Variants in BLK observed in about 807,000 individuals in gnomAD.
BLK encodes BLK proto-oncogene, Src family tyrosine kinase.
Under a neutral mutation model 61.8 loss-of-function variants are expected in BLK, and 64 were observed. The observed-to-expected ratio is 1.03, with a 90% confidence interval of 0.85 to 1.27. BLK has a LOEUF of 1.27. Ranked by LOEUF, BLK falls within the 50% of genes most tolerant of loss-of-function variation. BLK has a pLI of 0.00. For missense variants in BLK, 853 were observed against 660.5 expected (o/e 1.29, Z -3.19); for synonymous variants, 351 against 272.0 (o/e 1.29, Z -2.86).
intron 1 of BLK, among the ~76,000 whole-genome samples, chr8:11,498,670 A>T (rs900184722): frequency 7.2e-5 from 11 of 152,182 alleles, no homozygotes; most frequent in Non-Finnish European, 1.6e-4. Flanking sequence ...CAATGTGAGC[A>T]AGTCACTGTG....
At chr8:11,505,984 G>A (rs60489096) in intron 1 of BLK, among the ~76,000 whole-genome samples, 1 of 152,108 alleles carries the variant, frequency 6.6e-6, no homozygotes, top group Middle Eastern at 3.2e-3. Context: ...TCTTCCTCTC[G>A]CCCTGCTCCT....
At chr8:11,524,070 G>A (rs1799556393) in intron 1 of BLK, among the ~76,000 whole-genome samples, 1 of 151,682 alleles carries the variant, frequency 6.6e-6, no homozygotes, top group Non-Finnish European at 1.5e-5. Context: ...GTTTACTGTG[G>A]GTTTATTTAT....
chr8:11,504,411 GAAAAAA>G (rs1188358209), intron 1 of BLK, among the ~76,000 whole-genome samples: 1 of 108,746 alleles, frequency 9.2e-6, no homozygotes, highest in African/African-American at 3.2e-5. Flanking sequence ...GAAAAGAAAA[GAAAAAA>G]AAAAGAAAAG....
intron 1 of BLK, among the ~76,000 whole-genome samples, chr8:11,533,596 G>GAGGAGGAGA (rs1267277869): frequency 7.2e-6 from 1 of 139,688 alleles, no homozygotes; most frequent in Admixed American, 7.0e-5. Context: ...GGAGGAGGAG[G>GAGGAGGAGA]AGGAGGAGAA....
At chr8:11,503,550 A>G (rs1164784824) in intron 1 of BLK, among the ~76,000 whole-genome samples, 1 of 152,058 alleles carries the variant, frequency 6.6e-6, no homozygotes, top group Non-Finnish European at 1.5e-5. Context: ...CCCTTTTCAG[A>G]GAGGCCTTTG....
chr8:11,506,160 C>T (rs990969192), intron 1 of BLK, among the ~76,000 whole-genome samples: 5 of 152,188 alleles, frequency 3.3e-5, no homozygotes, highest in African/African-American at 1.2e-4. Flanking sequence ...CAGAAGGTTA[C>T]CAGCCTGGCT....
intron 10 of BLK, among the ~76,000 whole-genome samples, chr8:11,559,363 A>G (rs1585419373): frequency 6.6e-6 from 1 of 151,014 alleles, no homozygotes; most frequent in Admixed American, 6.6e-5. Context: ...ACATACACAG[A>G]CTCACACAGA....
intron 6 of BLK, among the ~76,000 whole-genome samples, chr8:11,551,540 A>C (rs889490435): frequency 3.3e-5 from 5 of 152,104 alleles, no homozygotes; most frequent in African/African-American, 1.2e-4. Context: ...TTAACATATG[A>C]ATTGGGAGCG....
At chr8:11,507,193 A>G (rs747476064) in intron 1 of BLK, among the ~76,000 whole-genome samples, 3 of 152,200 alleles carry the variant, frequency 2.0e-5, no homozygotes, top group Non-Finnish European at 4.4e-5. Context: ...CCCTTGGCAG[A>G]GGAAGAGTGA....
At chr8:11,510,711 G>T (rs1798966298) in intron 1 of BLK, among the ~76,000 whole-genome samples, 1 of 151,884 alleles carries the variant, frequency 6.6e-6, no homozygotes, top group Non-Finnish European at 1.5e-5. Context: ...TAATGGGATA[G>T]GGAATATATT....
chr8:11,533,189 C>T (rs913720335), intron 1 of BLK, among the ~76,000 whole-genome samples: 1 of 152,182 alleles, frequency 6.6e-6, no homozygotes, highest in African/African-American at 2.4e-5. Flanking sequence ...GTCTCTAGAT[C>T]CACTCAGTAA....
intron 1 of BLK, among the ~76,000 whole-genome samples, chr8:11,540,357 T>G (rs1291071088): frequency 6.6e-6 from 1 of 152,220 alleles, no homozygotes; most frequent in Non-Finnish European, 1.5e-5. Flanking sequence ...AAAATCTGTT[T>G]GTATGTTTTT....
intron 5 of BLK, 38 bp from the exon 6 acceptor site, chr8:11,550,121 G>A: frequency 6.4e-7 from 1 of 1,566,678 alleles, no homozygotes; most frequent in Non-Finnish European, 8.8e-7. Flanking sequence ...CGAGGAGCAG[G>A]GTCGCTCTGA....
rs1801624258 is a variant in BLK at position 11,564,221 on chromosome 8, C to A, written c.*113C>A. 1.5e-6 allele frequency: 2 copies of A among 1,315,746 alleles called. No individual in the cohort carries two copies. The highest frequency in any genetic ancestry group is 2.1e-6 in the Non-Finnish European group (2 of 950,036). The allele number at this position is 1,315,746 out of a possible 1,614,324, so 81.5% of individuals were successfully genotyped here. A position where few individuals can be genotyped will look rare whatever the true frequency, so the allele number is the denominator to read the frequency against. On this transcript the variant is annotated 3_prime_UTR_variant, in exon 13 of 13. Coordinates refer to ENST00000259089, the MANE Select transcript of BLK (RefSeq NM_001715.3). Reference sequence around the variant, plus strand: ...TGTCGCCTGTGCCCTTTTCTCAGACCCGGAATCCAGTGGGCAGAGGCAGCT... The same window carrying A: ...TGTCGCCTGTGCCCTTTTCTCAGACACGGAATCCAGTGGGCAGAGGCAGCT...
intron 1 of BLK, among the ~76,000 whole-genome samples, chr8:11,510,856 C>T (rs536664140): frequency 6.6e-6 from 1 of 152,210 alleles, no homozygotes; most frequent in Non-Finnish European, 1.5e-5. Flanking sequence ...GCAGTTGCTT[C>T]TATTTCTACT....
At chr8:11,539,283 A>C (rs1164963927) in intron 1 of BLK, among the ~76,000 whole-genome samples, 1 of 152,138 alleles carries the variant, frequency 6.6e-6, no homozygotes, top group East Asian at 1.9e-4. Flanking sequence ...TTTGGGTCTT[A>C]CTTTTCTCGT....
intron 1 of BLK, among the ~76,000 whole-genome samples, chr8:11,527,129 T>A (rs950979697): frequency 6.6e-6 from 1 of 152,120 alleles, no homozygotes; most frequent in African/African-American, 2.4e-5. Context: ...TAAGGCTTAA[T>A]GTGGACGTCT....
At chr8:11,539,355 T>C (rs1800272326) in intron 1 of BLK, among the ~76,000 whole-genome samples, 1 of 152,230 alleles carries the variant, frequency 6.6e-6, no homozygotes, top group Non-Finnish European at 1.5e-5. Context: ...ACATTTTTTT[T>C]AGTAGTTGTA....
At chr8:11,560,823 G>T (rs1801472431) in intron 10 of BLK, 2 of 457,636 alleles carry the variant, frequency 4.4e-6, no homozygotes, top group African/African-American at 2.0e-5. Flanking sequence ...TGTCAGGACT[G>T]TGGCCCCTCG....
Sources: allele counts gnomAD v4.1 joint callset (sites outside exome capture counted in the v4.1 genomes callset), GRCh38; gene constraint gnomAD v4.1.1; transcripts MANE v1.5; gene names NCBI Gene and HGNC (gene_info 2026-07-23, HGNC 2026-07-21).